CDK14: variants seen among roughly 807,000 people sequenced by gnomAD.
CDK14 encodes cyclin dependent kinase 14, also known as cyclin-dependent kinase 14.
A neutral mutation model predicts 60.7 loss-of-function variants in CDK14; 34 were observed. The observed-to-expected ratio is 0.56, with a 90% CI of 0.43 to 0.75. The LOEUF is 0.75. Ranked by LOEUF, CDK14 falls within the 30% of genes least tolerant of loss-of-function variation. CDK14 has a pLI of 0.00. For missense variants in CDK14, 482 were observed against 564.1 expected (o/e 0.85, Z 1.47); for synonymous variants, 197 against 203.7 (o/e 0.97, Z 0.28).
chr7:91,153,029 G>A (rs1436783798), intron 14 of CDK14, among the ~76,000 whole-genome samples: 1 of 152,220 alleles, frequency 6.6e-6, no homozygotes, highest in Non-Finnish European at 1.5e-5. Context: ...TGAGGGGTTA[G>A]AGATGGAGTG....
chr7:90,872,658 T>C (rs1037085372), intron 6 of CDK14, among the ~76,000 whole-genome samples: 2 of 148,752 alleles, frequency 1.3e-5, no homozygotes, highest in African/African-American at 5.2e-5. Context: ...AGATATCAAT[T>C]TTTTTCCTGT....
At chr7:91,116,164 A>G (rs941769427) in intron 13 of CDK14, among the ~76,000 whole-genome samples, 4 of 152,230 alleles carry the variant, frequency 2.6e-5, no homozygotes, top group South Asian at 2.1e-4. Context: ...TGCATATACT[A>G]TCAAGTTACA....
At position 91,207,827 on chromosome 7, in the gene CDK14, AG is replaced by A; in HGVS notation, c.*693del. 1 of 152,776 alleles carries A rather than the reference AG, an allele frequency of 6.5e-6. No individual in the cohort carries two copies. The highest frequency in any genetic ancestry group is 1.9e-4 in the East Asian group (1 of 5,186). The allele number at this position is 152,776 out of a possible 1,614,324, so 9.5% of individuals were successfully genotyped here. On this transcript the variant is annotated 3_prime_UTR_variant, in exon 15 of 15. Coordinates refer to ENST00000380050, the MANE Select transcript of CDK14 (RefSeq NM_001287135.2). ...CACATAGCATGACTGTTTTTTGAAT[AG>A]GTTGGAATTGAAAAAACAATTATCA...
intron 6 of CDK14, among the ~76,000 whole-genome samples, chr7:90,876,845 A>T (rs1342574296): frequency 6.6e-6 from 1 of 152,252 alleles, no homozygotes; most frequent in Non-Finnish European, 1.5e-5. Flanking sequence ...GTTGTGAAGT[A>T]TATAAGTTTT....
intron 2 of CDK14, among the ~76,000 whole-genome samples, chr7:90,695,611 C>A (rs1317252967): frequency 6.6e-6 from 1 of 151,882 alleles, no homozygotes; most frequent in Non-Finnish European, 1.5e-5. Flanking sequence ...GGAATATAAA[C>A]AAAAGCAAGG....
chr7:91,163,925 G>A (rs1444291660), intron 14 of CDK14, among the ~76,000 whole-genome samples: 1 of 152,244 alleles, frequency 6.6e-6, no homozygotes, highest in African/African-American at 2.4e-5. Flanking sequence ...ATTGATTAAG[G>A]CTTTAGGGTC....
intron 12 of CDK14, among the ~76,000 whole-genome samples, chr7:91,086,876 A>G (rs1394340718): frequency 6.6e-6 from 1 of 152,226 alleles, no homozygotes; most frequent in Non-Finnish European, 1.5e-5. Context: ...GTGAATGTTC[A>G]GCCTCAAAAT....
intron 4 of CDK14, among the ~76,000 whole-genome samples, chr7:90,767,354 G>A (rs1453637375): frequency 1.3e-5 from 2 of 152,024 alleles, no homozygotes; most frequent in African/African-American, 4.8e-5. Context: ...CCAATTTCTT[G>A]CATAATTCTC....
At chr7:90,709,354 C>A in intron 2 of CDK14, 1 of 1,251,994 alleles carries the variant, frequency 8.0e-7, no homozygotes, top group Non-Finnish European at 1.0e-6. Context: ...CACTTACTGG[C>A]TTTCTCCAGT....
chr7:90,846,078 C>T (rs1443048729), intron 5 of CDK14, among the ~76,000 whole-genome samples: 1 of 151,990 alleles, frequency 6.6e-6, no homozygotes, highest in Non-Finnish European at 1.5e-5. Flanking sequence ...CAACTTTGTC[C>T]CCATTACTTT....
chr7:90,608,247 C>T (rs1416555434), intron 2 of CDK14, among the ~76,000 whole-genome samples: 1 of 152,118 alleles, frequency 6.6e-6, no homozygotes, highest in Non-Finnish European at 1.5e-5. Flanking sequence ...ACTATGATTT[C>T]TGGTGAATTT....
chr7:91,147,234 T>G (rs898030388), intron 14 of CDK14, among the ~76,000 whole-genome samples: 4 of 151,456 alleles, frequency 2.6e-5, no homozygotes, highest in Non-Finnish European at 5.9e-5. Flanking sequence ...AGGTATTTTA[T>G]CACTTGGAAG....
intron 12 of CDK14, among the ~76,000 whole-genome samples, chr7:91,086,947 GT>G (rs141036118): frequency 2.0e-5 from 3 of 152,040 alleles, no homozygotes; most frequent in Non-Finnish European, 2.9e-5. Flanking sequence ...TTTTTGTTTT[GT>G]TTTTTTGCAG....
At chr7:90,899,621 T>C (rs1344024107) in intron 7 of CDK14, among the ~76,000 whole-genome samples, 1 of 152,086 alleles carries the variant, frequency 6.6e-6, no homozygotes, top group Non-Finnish European at 1.5e-5. Flanking sequence ...TGAAAACCAC[T>C]GGAATCCTAC....
intron 14 of CDK14, among the ~76,000 whole-genome samples, chr7:91,161,440 C>T (rs1009077189): frequency 2.0e-5 from 3 of 152,166 alleles, no homozygotes; most frequent in Admixed American, 6.5e-5. Flanking sequence ...TACTAAAATG[C>T]AAGGTTTATT....
intron 3 of CDK14, among the ~76,000 whole-genome samples, chr7:90,744,292 A>G (rs1461765928): frequency 6.6e-6 from 1 of 152,176 alleles, no homozygotes; most frequent in Non-Finnish European, 1.5e-5. Flanking sequence ...CCCTGAGTGG[A>G]CACAGCACAT....
At chr7:90,613,547 C>T (rs1286122859) in intron 2 of CDK14, among the ~76,000 whole-genome samples, 5 of 152,014 alleles carry the variant, frequency 3.3e-5, no homozygotes, top group African/African-American at 1.2e-4. Context: ...ATTAGCCAGG[C>T]GTGGTGGCAG....
At chr7:90,679,157 G>T (rs979515626) in intron 2 of CDK14, among the ~76,000 whole-genome samples, 2 of 152,040 alleles carry the variant, frequency 1.3e-5, no homozygotes, top group African/African-American at 4.8e-5. Context: ...TTGGTATGTT[G>T]CCCACGCTGG....
At chr7:90,729,709 T>C (rs988275172) in intron 3 of CDK14, among the ~76,000 whole-genome samples, 3 of 151,854 alleles carry the variant, frequency 2.0e-5, no homozygotes, top group African/African-American at 7.3e-5. Context: ...TTGCTTTCTT[T>C]TTATTTTAGG....
Sources: gnomAD v4.1 joint callset for allele counts (sites outside exome capture counted in the v4.1 genomes callset) on GRCh38, gnomAD v4.1.1 for gene constraint, MANE v1.5 for transcripts, NCBI Gene and HGNC (gene_info 2026-07-23, HGNC 2026-07-21) for gene names.